Variants in ZBTB40 observed in about 807,000 individuals in gnomAD.
ZBTB40 encodes zinc finger and BTB domain containing 40, also known as zinc finger and BTB domain-containing protein 40.
In ZBTB40, 60 loss-of-function variants were observed where a neutral mutation model predicts 117.5. The observed-to-expected ratio is 0.51, with a 90% CI of 0.41 to 0.63. ZBTB40 has a LOEUF of 0.63. Among genes scored for constraint, ZBTB40 ranks in the 30% least tolerant of loss-of-function variants. The probability of loss-of-function intolerance (pLI) is 0.00; values close to 1 mark genes in which losing one functional copy is unlikely to be tolerated. For missense variants in ZBTB40, 1,287 were observed against 1,498.5 expected, an observed-to-expected ratio of 0.86 and a Z score of 2.33; for synonymous variants, 525 against 577.1, an observed-to-expected ratio of 0.91 and a Z score of 1.29.
chr1:22,478,954 A>G (rs1641614708), intron 1 of ZBTB40, among the ~76,000 whole-genome samples: 1 of 152,048 alleles, frequency 6.6e-6, no homozygotes, highest in African/African-American at 2.4e-5. Flanking sequence ...TGTTTTTACT[A>G]CTCACAGCAC....
upstream of ZBTB40, among the ~76,000 whole-genome samples, chr1:22,449,514 T>C (rs1314328794): frequency 1.3e-5 from 2 of 152,190 alleles, no homozygotes; most frequent in Admixed American, 1.3e-4. Flanking sequence ...GTCAGCCCCA[T>C]GAGAACTTCT....
chr1:22,478,970 G>A (rs976070197), intron 1 of ZBTB40, among the ~76,000 whole-genome samples: 5 of 152,070 alleles, frequency 3.3e-5, no homozygotes, highest in African/African-American at 1.2e-4. Context: ...AGCACCTCTA[G>A]GACCACTGTC....
chr1:22,516,397 G>T (rs1262010960), intron 12 of ZBTB40, among the ~76,000 whole-genome samples: 1 of 152,140 alleles, frequency 6.6e-6, no homozygotes, highest in African/African-American at 2.4e-5. Context: ...CTGGAGTTCT[G>T]GGGAAAGGTG....
At chr1:22,450,329 A>G (rs1057004480), upstream of ZBTB40, among the ~76,000 whole-genome samples, 8 of 152,206 alleles carry the variant, frequency 5.3e-5, no homozygotes, top group East Asian at 1.9e-4. Flanking sequence ...TAGCAACCCT[A>G]TGTTCCCACT....
At chr1:22,474,083 C>T (rs577205462) in intron 1 of ZBTB40, among the ~76,000 whole-genome samples, 1 of 152,260 alleles carries the variant, frequency 6.6e-6, no homozygotes, top group South Asian at 2.1e-4. Context: ...GAATTTTATG[C>T]CTGATTCACA....
In ZBTB40 at chr1:22,490,319, A is replaced by G; in HGVS notation, c.371A>G (p.Gln124Arg). The G allele has an allele frequency of 6.2e-7, 1 of 1,614,214 alleles. No homozygotes were observed. Among genetic ancestry groups the G allele is most frequent in the Non-Finnish European group, 8.5e-7 (1 of 1,180,028 alleles). The stretch of plus-strand genomic sequence containing the variant: ...CTTGTAAACTGCTCGGTTCAGGGTC[A>G]GGTGGTAAGGGATGTCTCTGCGCCA... ...TSLVNCSVQG[Q>R]VVRDVSAPSS... Residue 124 changes from glutamine to arginine, a missense_variant, in exon 2 of 18, where the codon CAG becomes CGG. Around this residue, in one of 2 missense-constraint regions of ZBTB40, gnomAD observed 870 missense variants for 934.4 expected, o/e 0.93. Coordinates refer to ENST00000375647, the MANE Select transcript of ZBTB40 (RefSeq NM_014870.4).
At chr1:22,462,776 C>CCCACTTTCT (rs1451011703) in intron 1 of ZBTB40, among the ~76,000 whole-genome samples, 1 of 152,154 alleles carries the variant, frequency 6.6e-6, no homozygotes. Context: ...TCGGACTCTC[C>CCCACTTTCT]CCACTTTCTC....
At chr1:22,443,133 A>G (rs1640752178) in intron 1 of ZBTB40, among the ~76,000 whole-genome samples, 1 of 152,224 alleles carries the variant, frequency 6.6e-6, no homozygotes, top group South Asian at 2.1e-4. Context: ...CAAAGTCTCA[A>G]CGAAAATTAT....
intron 3 of ZBTB40, among the ~76,000 whole-genome samples, chr1:22,499,784 T>C (rs1378453693): frequency 6.6e-6 from 1 of 152,240 alleles, no homozygotes; most frequent in African/African-American, 2.4e-5. Context: ...CTAACTCGTT[T>C]ATAATTTCTA....
intron 1 of ZBTB40, among the ~76,000 whole-genome samples, chr1:22,458,854 G>T (rs748437409): frequency 5.3e-5 from 8 of 152,192 alleles, no homozygotes; most frequent in Non-Finnish European, 8.8e-5. Flanking sequence ...GCCTCCCAAA[G>T]TGCTGGGATT....
Position 22,466,372 on chromosome 1 carries a change from A to G in ZBTB40, c.-70+14368A>G, listed in dbSNP as rs569017454. Among the ~76,000 whole-genome samples, 14 of 152,286 alleles carry G rather than the reference A, an allele frequency of 9.2e-5. No homozygotes were observed. In the East Asian group the frequency reaches 2.5e-3, roughly 27 times the overall value. ...AATGTACAGGTTTTTGAGTGGATCC[A>G]TGTTTTCATTTGTCCCAGATATATA... On this transcript the variant is annotated intron_variant, in intron 1 of 17. Coordinates refer to ENST00000375647, the MANE Select transcript of ZBTB40 (RefSeq NM_014870.4).
chr1:22,430,092 T>TAA (rs1215545815), intron 1 of ZBTB40, among the ~76,000 whole-genome samples: 4 of 152,264 alleles, frequency 2.6e-5, no homozygotes, highest in Non-Finnish European at 1.5e-5. Flanking sequence ...TAATCACTAA[T>TAA]AAGTGTTTTC....
At chr1:22,525,716 C>T (rs992946072) in intron 17 of ZBTB40, among the ~76,000 whole-genome samples, 2 of 152,260 alleles carry the variant, frequency 1.3e-5, no homozygotes, top group African/African-American at 4.8e-5. Context: ...TCCTCCTAAG[C>T]TCGGTCACTG....
At chr1:22,507,198 T>C (rs1343871603) in intron 6 of ZBTB40, among the ~76,000 whole-genome samples, 1 of 152,216 alleles carries the variant, frequency 6.6e-6, no homozygotes, top group Non-Finnish European at 1.5e-5. Flanking sequence ...AGCAAGTGAC[T>C]TAATCTTTCT....
intron 3 of ZBTB40, among the ~76,000 whole-genome samples, chr1:22,498,826 C>G (rs1419616998): frequency 6.7e-6 from 1 of 149,708 alleles, no homozygotes; most frequent in Non-Finnish European, 1.5e-5. Flanking sequence ...AATGAGATAG[C>G]TATATGCTGT....
chr1:22,466,433 G>GT (rs1189203650), intron 1 of ZBTB40, among the ~76,000 whole-genome samples: 1 of 152,138 alleles, frequency 6.6e-6, no homozygotes, highest in African/African-American at 2.4e-5. Flanking sequence ...TGGTGTCTCT[G>GT]TGCTTAACTC....
chr1:22,477,512 G>A (rs936916967), intron 1 of ZBTB40, among the ~76,000 whole-genome samples: 1 of 152,074 alleles, frequency 6.6e-6, no homozygotes, highest in African/African-American at 2.4e-5. Context: ...AGCTGGGCAT[G>A]GTGGCACGCG....
In ZBTB40 at chr1:22,490,148, G is replaced by C; in HGVS notation, c.200G>C (p.Ser67Thr). The C allele has an allele frequency of 6.2e-7, 1 of 1,614,188 alleles. No individual in the cohort carries two copies. The highest frequency in any genetic ancestry group is 8.5e-7 in the Non-Finnish European group (1 of 1,180,026). The change falls in exon 2 of 18, where the codon AGC becomes ACC. Residue 67 changes from serine (S) to threonine (T), a missense_variant. By Grantham distance (58) the Ser-to-Thr change is moderately conservative. This residue lies in a region of ZBTB40 where 870 missense variants were observed against 934.4 expected (regional missense o/e 0.93). Transcript: ENST00000375647. Reference sequence around the variant, plus strand: ...ATCTCCATCGATGCATCTGTGGTGAGCCCCGAGGAGTTTGCGCTCTTGTTG... The same window carrying C: ...ATCTCCATCGATGCATCTGTGGTGACCCCCGAGGAGTTTGCGCTCTTGTTG... ...DTISIDASVVSPEEFALLLEM... is the reference protein window; with the variant it reads ...DTISIDASVVTPEEFALLLEM...
intron 1 of ZBTB40, among the ~76,000 whole-genome samples, chr1:22,478,510 G>A (rs1641606473): frequency 2.6e-5 from 4 of 152,066 alleles, no homozygotes; most frequent in African/African-American, 9.7e-5. Context: ...GCCTCCCAAA[G>A]TGCTGGGATT....
Sources: gnomAD v4.1 joint callset for allele counts (sites outside exome capture counted in the v4.1 genomes callset) on GRCh38, gnomAD v4.1.1 for gene constraint, gnomAD v4.1.1 regional missense constraint, MANE v1.5 for transcripts, NCBI Gene and HGNC (gene_info 2026-07-23, HGNC 2026-07-21) for gene names.